Variants in TBK1 observed in about 807,000 individuals in gnomAD.
TBK1 encodes TANK binding kinase 1.
Under a neutral mutation model 99.9 loss-of-function variants are expected in TBK1, and 37 were observed. That is an observed-to-expected ratio of 0.37 (90% CI 0.28 to 0.49). TBK1 has a LOEUF of 0.49. Ranked by LOEUF, TBK1 falls within the 20% of genes least tolerant of loss-of-function variation. The probability of loss-of-function intolerance (pLI) is 0.98; values close to 1 mark genes in which losing one functional copy is unlikely to be tolerated. For synonymous variants in TBK1, 258 were observed against 279.8 expected (o/e 0.92, Z 0.78); for missense variants, 644 against 872.5 (o/e 0.74, Z 3.30).
At chr12:64,462,165 A>C (rs1484939839) in intron 3 of TBK1, among the ~76,000 whole-genome samples, 2 of 152,188 alleles carry the variant, frequency 1.3e-5, no homozygotes, top group Non-Finnish European at 2.9e-5. Context: ...CCAGTGGCCA[A>C]AGCCCCCAGA....
At chr12:64,482,104 G>A in intron 8 of TBK1, 83 bp downstream of exon 8, 1 of 987,222 alleles carries the variant, frequency 1.0e-6, no homozygotes, top group Non-Finnish European at 1.3e-6. Flanking sequence ...TAGAAAAGAT[G>A]CCTCAGCTTC....
At chr12:64,453,138 G>A (rs1419431371) in intron 1 of TBK1, among the ~76,000 whole-genome samples, 1 of 152,198 alleles carries the variant, frequency 6.6e-6, no homozygotes, top group Non-Finnish European at 1.5e-5. Flanking sequence ...AGCACGTTGT[G>A]GGTGTGCTGA....
chr12:64,476,283 G>A (rs773265310), intron 6 of TBK1, among the ~76,000 whole-genome samples: 9 of 146,962 alleles, frequency 6.1e-5, no homozygotes, highest in Non-Finnish European at 1.3e-4. Context: ...TCAGCCTCCC[G>A]AGTAGCTGAG....
At chr12:64,455,055 T>A (rs1278464528) in intron 1 of TBK1, among the ~76,000 whole-genome samples, 1 of 148,366 alleles carries the variant, frequency 6.7e-6, no homozygotes, top group African/African-American at 2.5e-5. Context: ...TGGCACGATT[T>A]CAGCTCACTG....
In TBK1 at chr12:64,454,255, G is replaced by A. The variant is rs529907585; in HGVS notation, c.-31-1585G>A. On this transcript the variant is annotated intron_variant, in intron 1 of 20. Transcript: ENST00000331710. ...ATAGGTGTTGTTTTTGTTTGTTTTT[G>A]TTTCTTTTTGAGATGGAGTCTCGCT... Among the ~76,000 whole-genome samples, 10 of 152,192 alleles carry A rather than the reference G, an allele frequency of 6.6e-5. No homozygotes were observed. The East Asian group carries it at 1.5e-3, about 23-fold the overall frequency.
intron 13 of TBK1, 102 bp downstream of exon 13, chr12:64,490,221 A>G: frequency 4.2e-6 from 3 of 719,058 alleles, no homozygotes; most frequent in Non-Finnish European, 6.5e-6. Context: ...GGTAGTACAC[A>G]CCTAGAGTCG....
At chr12:64,472,820 A>T (rs1181160480) in intron 5 of TBK1, among the ~76,000 whole-genome samples, 1 of 152,174 alleles carries the variant, frequency 6.6e-6, no homozygotes, top group African/African-American at 2.4e-5. Flanking sequence ...TGTTTTAAGA[A>T]AGTTTATGAA....
chr12:64,493,663 A>G (rs997998144), intron 13 of TBK1, among the ~76,000 whole-genome samples: 13 of 152,062 alleles, frequency 8.5e-5, no homozygotes, highest in Non-Finnish European at 1.8e-4. Flanking sequence ...CTCCTGGGCC[A>G]GCAGCTTCAG....
At position 64,497,840 on chromosome 12, in the gene TBK1, T is replaced by G. The variant is rs1233313929; in HGVS notation, c.2066+86T>G. 3.5e-6 allele frequency: 5 copies of G among 1,409,074 alleles called. No homozygotes were observed. The East Asian group carries it at 1.2e-4, about 33-fold the overall frequency. 87.3% of individuals were successfully genotyped at this position (1,409,074 alleles called of 1,614,324 possible). On this transcript the variant is annotated intron_variant, in intron 19 of 20. Coordinates refer to ENST00000331710, the MANE Select transcript of TBK1 (RefSeq NM_013254.4). ...TTTTGCTCTTACATTTTGAAATTTT[T>G]TATGTTTGTTGTAATACAATGTTTA...
At chr12:64,496,314 G>A (rs531235990) in intron 15 of TBK1, 53 bp from the exon 16 acceptor site, 5 of 884,364 alleles carry the variant, frequency 5.7e-6, no homozygotes, top group Admixed American at 2.8e-5. Flanking sequence ...AATACATTGT[G>A]TATAATATTA....
At chr12:64,500,068 A>G (rs1346228444) in intron 20 of TBK1, among the ~76,000 whole-genome samples, 1 of 152,154 alleles carries the variant, frequency 6.6e-6, no homozygotes, top group African/African-American at 2.4e-5. Flanking sequence ...CCTAAACCAC[A>G]TTTAGTAAGT....
chr12:64,462,156 C>T (rs1592354839), intron 3 of TBK1, among the ~76,000 whole-genome samples: 1 of 152,152 alleles, frequency 6.6e-6, no homozygotes, highest in East Asian at 1.9e-4. Flanking sequence ...TGAGACTCTC[C>T]AGTGGCCAAA....
chr12:64,458,225 G>A (rs1047833141), intron 2 of TBK1, among the ~76,000 whole-genome samples: 3 of 152,148 alleles, frequency 2.0e-5, no homozygotes, highest in East Asian at 1.9e-4. Context: ...AATGATGGCA[G>A]TTGCAACTGT....
At position 64,474,326 on chromosome 12, in the gene TBK1, C is replaced by T. The variant is rs1166832735; in HGVS notation, c.637C>T (p.His213Tyr). ...TTGGAGCATTGGGGTAACATTTTAC[C>T]ATGCAGCTACTGGATCACTGCCATT... The part of the protein sequence containing the change: ...DLWSIGVTFY[H>Y]AATGSLPFRP... Residue 213 changes from histidine to tyrosine, a missense_variant, in exon 6 of 21, where the codon CAT (histidine) becomes TAT (tyrosine). Physicochemically the swap from His to Tyr is moderately conservative, Grantham distance 83. Around this residue, in one of 3 missense-constraint regions of TBK1, gnomAD observed 31 missense variants for 82.4 expected, o/e 0.38. Transcript: ENST00000331710. 1 of 1,613,780 alleles carries T rather than the reference C, an allele frequency of 6.2e-7. No homozygotes were observed. The highest frequency in any genetic ancestry group is 8.5e-7 in the Non-Finnish European group (1 of 1,179,936).
intron 6 of TBK1, 112 bp downstream of exon 6, chr12:64,474,502 C>A: frequency 9.2e-7 from 1 of 1,085,686 alleles, no homozygotes; most frequent in Non-Finnish European, 1.3e-6. Flanking sequence ...ACAATCATTT[C>A]TGATATTTTA....
chr12:64,474,303 G>A lies in TBK1; in HGVS notation c.614G>A (p.Trp205Ter). The A allele has an allele frequency of 1.2e-6, 2 of 1,613,822 alleles. No individual in the cohort carries two copies. Among genetic ancestry groups the A allele is most frequent in the Non-Finnish European group, 1.7e-6 (2 of 1,179,926 alleles). ...QKKYGATVDL[W>*]SIGVTFYHAA... is the part of the protein sequence containing the mutation. Reference sequence around the variant, plus strand: ...AAATATGGAGCAACAGTTGATCTTTGGAGCATTGGGGTAACATTTTACCAT... The same window carrying A: ...AAATATGGAGCAACAGTTGATCTTTAGAGCATTGGGGTAACATTTTACCAT... The change falls in exon 6 of 21, where the codon TGG (tryptophan) becomes TAG (stop). Residue 205 changes from tryptophan (W) to a stop codon, truncating the protein, a stop_gained. Coordinates refer to ENST00000331710, the MANE Select transcript of TBK1 (RefSeq NM_013254.4). LOFTEE classifies it high-confidence loss of function.
At chr12:64,498,136 T>C in intron 20 of TBK1, 97 bp downstream of exon 20, 3 of 966,998 alleles carry the variant, frequency 3.1e-6, no homozygotes, top group Non-Finnish European at 4.7e-6. Flanking sequence ...TCAGCAGTGG[T>C]AAAGGGTCAT....
chr12:64,493,352 C>T (rs1270622552), intron 13 of TBK1, among the ~76,000 whole-genome samples: 1 of 150,314 alleles, frequency 6.7e-6, no homozygotes. Context: ...GGCCACAGGT[C>T]GCAGTGGTTC....
chr12:64,497,829 T>A, intron 19 of TBK1, 75 bp downstream of exon 19: 1 of 1,423,084 alleles, frequency 7.0e-7, no homozygotes, highest in Non-Finnish European at 9.7e-7. Context: ...GCTCTTACAT[T>A]TTGAAATTTT....
Sources: allele counts gnomAD v4.1 joint callset (sites outside exome capture counted in the v4.1 genomes callset), GRCh38; gene constraint gnomAD v4.1.1; regional missense constraint gnomAD v4.1.1; transcripts MANE v1.5; gene names NCBI Gene and HGNC (gene_info 2026-07-23, HGNC 2026-07-21).